VTI1A: variants seen among roughly 807,000 people sequenced by gnomAD.
VTI1A encodes vesicle transport through interaction with t-SNAREs 1A.
A neutral mutation model predicts 34.9 loss-of-function variants in VTI1A; 22 were observed. The ratio of observed to expected loss-of-function variants is 0.63; its 90% CI spans 0.45 to 0.90. The LOEUF is 0.90. Ranked by LOEUF, VTI1A falls within the 40% of genes least tolerant of loss-of-function variation. VTI1A has a pLI of 0.00. For synonymous variants in VTI1A, 87 were observed against 97.3 expected (o/e 0.89, Z 0.62); for missense variants, 268 against 275.6 (o/e 0.97, Z 0.20).
In VTI1A at chr10:112,464,641, A is replaced by G; in HGVS notation, c.248A>G (p.Lys83Arg). The part of the protein sequence containing the change: ...RMRSYKQEMG[K>R]LETDFKRSRI... ...AGAAGCTACAAACAAGAAATGGGAA[A>G]ACTCGAAACAGATTTTGTGAGTCAA... The change falls in exon 3 of 8, where the codon AAA becomes AGA. Residue 83 changes from lysine (K) to arginine (R), a missense_variant. Coordinates refer to ENST00000393077, the MANE Select transcript of VTI1A (RefSeq NM_145206.4). 1.2e-6 allele frequency: 2 copies of G among 1,611,408 alleles called. No individual in the cohort carries two copies. The highest frequency in any genetic ancestry group is 1.7e-6 in the Non-Finnish European group (2 of 1,178,398).
intron 7 of VTI1A, among the ~76,000 whole-genome samples, chr10:112,741,076 G>T (rs527766008): frequency 6.6e-5 from 10 of 152,320 alleles, no homozygotes; most frequent in African/African-American, 2.2e-4. Flanking sequence ...TGAATCCATT[G>T]TATGGAATGT....
intron 3 of VTI1A, among the ~76,000 whole-genome samples, chr10:112,520,647 G>GTGTGTGTA (rs1330449301): frequency 1.6e-5 from 2 of 128,988 alleles, no homozygotes; most frequent in African/African-American, 2.8e-5. Context: ...GTGTGTGTGT[G>GTGTGTGTA]TATATATATA....
chr10:112,661,859 G>A (rs1407246946), intron 5 of VTI1A, among the ~76,000 whole-genome samples: 8 of 144,342 alleles, frequency 5.5e-5, no homozygotes, highest in South Asian at 2.3e-4. Flanking sequence ...CCACCACCTC[G>A]CAGGTTCAAG....
At chr10:112,574,949 A>T (rs1229944198) in intron 5 of VTI1A, among the ~76,000 whole-genome samples, 1 of 152,182 alleles carries the variant, frequency 6.6e-6, no homozygotes, top group Non-Finnish European at 1.5e-5. Flanking sequence ...TTTCTCCTCA[A>T]AATGATTGAA....
At chr10:112,486,326 T>C (rs1289926639) in intron 3 of VTI1A, among the ~76,000 whole-genome samples, 8 of 152,222 alleles carry the variant, frequency 5.3e-5, no homozygotes, top group Admixed American at 2.6e-4. Flanking sequence ...GGGCCTCCCT[T>C]TTTCATTTGT....
At chr10:112,699,130 T>C (rs566757048) in intron 7 of VTI1A, among the ~76,000 whole-genome samples, 52 of 152,376 alleles carry the variant, frequency 3.4e-4, no homozygotes, top group African/African-American at 1.3e-3. Context: ...TTTCATATTC[T>C]CTTTCATCTT....
chr10:112,476,715 A>G (rs570593340), intron 3 of VTI1A, among the ~76,000 whole-genome samples: 7 of 152,328 alleles, frequency 4.6e-5, no homozygotes, highest in African/African-American at 1.7e-4. Flanking sequence ...AAGTATTTGA[A>G]TAAAGTGTGT....
chr10:112,690,053 T>C (rs1054505344), intron 7 of VTI1A, among the ~76,000 whole-genome samples: 31 of 152,236 alleles, frequency 2.0e-4, no homozygotes, highest in Admixed American at 2.0e-4. Context: ...TTCATTTGCA[T>C]AGAGCTTTTG....
intron 3 of VTI1A, among the ~76,000 whole-genome samples, chr10:112,490,741 A>G (rs902797475): frequency 2.6e-5 from 4 of 152,012 alleles, no homozygotes; most frequent in African/African-American, 4.8e-5. Context: ...ATGAGTATCA[A>G]CATTGTATGC....
At chr10:112,679,633 G>A (rs991014059) in intron 7 of VTI1A, among the ~76,000 whole-genome samples, 2 of 152,064 alleles carry the variant, frequency 1.3e-5, no homozygotes, top group Admixed American at 1.3e-4. Context: ...ATTTTAAAAA[G>A]AGGATTGAAG....
At chr10:112,745,289 A>T (rs534799269) in intron 7 of VTI1A, among the ~76,000 whole-genome samples, 1 of 152,054 alleles carries the variant, frequency 6.6e-6, no homozygotes, top group Non-Finnish European at 1.5e-5. Context: ...GTGGTTCAGT[A>T]TTAGTAATGT....
chr10:112,636,213 A>G (rs1421701931), intron 5 of VTI1A, among the ~76,000 whole-genome samples: 2 of 152,232 alleles, frequency 1.3e-5, no homozygotes, highest in African/African-American at 2.4e-5. Flanking sequence ...AAACTTTGCC[A>G]TCCCATAAAT....
chr10:112,528,004 T>A (rs1232965614), intron 4 of VTI1A, among the ~76,000 whole-genome samples: 1 of 152,146 alleles, frequency 6.6e-6, no homozygotes, highest in Non-Finnish European at 1.5e-5. Context: ...CCCTAATGAC[T>A]GATTTTCTTT....
chr10:112,559,883 T>G (rs73365087), intron 5 of VTI1A, among the ~76,000 whole-genome samples: 258 of 152,332 alleles, frequency 1.7e-3, no homozygotes, highest in African/African-American at 6.1e-3. Flanking sequence ...TGGGTAGTAG[T>G]TACTGAAATG....
chr10:112,468,051 G>A (rs1847957423), intron 3 of VTI1A, among the ~76,000 whole-genome samples: 1 of 152,252 alleles, frequency 6.6e-6, no homozygotes, highest in South Asian at 2.1e-4. Context: ...CCAGCAGGGT[G>A]ATTGTGGCCA....
At position 112,447,272 on chromosome 10, in the gene VTI1A, G is replaced by A; in HGVS notation, c.-102G>A. On this transcript the variant is annotated 5_prime_UTR_variant, in exon 1 of 8. Coordinates refer to ENST00000393077, the MANE Select transcript of VTI1A (RefSeq NM_145206.4). The stretch of plus-strand genomic sequence containing the variant: ...TCCCCGGTTCTCCGTTCTGCTCTCG[G>A]GGGCACCTTCCGGGGTTCCTAAGCC... 1 of 1,298,402 alleles carries A rather than the reference G, an allele frequency of 7.7e-7. No individual in the cohort carries two copies. The highest frequency in any genetic ancestry group is 1.1e-6 in the Non-Finnish European group (1 of 934,898). 80.4% of individuals were successfully genotyped at this position (1,298,402 alleles called of 1,614,324 possible). A position where few individuals can be genotyped will look rare whatever the true frequency, so the allele number is the denominator to read the frequency against.
intron 7 of VTI1A, chr10:112,737,499 T>A: frequency 9.5e-7 from 1 of 1,050,766 alleles, no homozygotes. Context: ...TTCTGTTCCC[T>A]GGGATGCCTT....
At chr10:112,567,668 A>G (rs1471683217) in intron 5 of VTI1A, among the ~76,000 whole-genome samples, 1 of 152,232 alleles carries the variant, frequency 6.6e-6, no homozygotes, top group East Asian at 1.9e-4. Context: ...GGAATCTACC[A>G]TGTTGGATAA....
chr10:112,453,172 T>C (rs779920816), intron 1 of VTI1A, among the ~76,000 whole-genome samples: 10 of 152,186 alleles, frequency 6.6e-5, no homozygotes, highest in Non-Finnish European at 1.2e-4. Context: ...CATGATTAGA[T>C]TGGAGTTCTG....
Sources: gnomAD v4.1 joint callset for allele counts (sites outside exome capture counted in the v4.1 genomes callset) on GRCh38, gnomAD v4.1.1 for gene constraint, MANE v1.5 for transcripts, NCBI Gene and HGNC (gene_info 2026-07-23, HGNC 2026-07-21) for gene names.